MCMDC2: variants seen among roughly 807,000 people sequenced by gnomAD.
MCMDC2 encodes minichromosome maintenance domain containing 2.
A neutral mutation model predicts 75.8 loss-of-function variants in MCMDC2; 54 were observed. The observed-to-expected ratio is 0.71, with a 90% confidence interval of 0.57 to 0.89. The LOEUF (loss-of-function observed/expected upper bound fraction) is 0.89, where lower values mean the gene tolerates loss of function less well. Among genes scored for constraint, MCMDC2 ranks in the 40% least tolerant of loss-of-function variants. The pLI, the probability that MCMDC2 is intolerant of heterozygous loss-of-function variation, is 0.00. For synonymous variants in MCMDC2, 249 were observed against 274.6 expected, an observed-to-expected ratio of 0.91 and a Z score of 0.92; for missense variants, 656 against 780.4, an observed-to-expected ratio of 0.84 and a Z score of 1.90.
intron 12 of MCMDC2, 148 bp from the exon 13 acceptor site, chr8:66,901,058 G>A: frequency 1.6e-6 from 1 of 625,390 alleles, no homozygotes. Context: ...AAAGTGTTCA[G>A]TGACTTCAAG....
chr8:66,911,483 A>T (rs1419330534), intron 14 of MCMDC2, among the ~76,000 whole-genome samples: 2 of 152,184 alleles, frequency 1.3e-5, no homozygotes, highest in Non-Finnish European at 2.9e-5. Context: ...TAGCAGTATG[A>T]AAATGGACTA....
chr8:66,887,125 C>G (rs188728591), intron 9 of MCMDC2, among the ~76,000 whole-genome samples: 1 of 152,152 alleles, frequency 6.6e-6, no homozygotes, highest in African/African-American at 2.4e-5. Flanking sequence ...AATTTTTCTC[C>G]AGATATAAAG....
At chr8:66,871,401 A>G (rs55707908) in intron 1 of MCMDC2, 4 of 151,854 alleles carry the variant, frequency 2.6e-5, no homozygotes, top group African/African-American at 7.3e-5. Flanking sequence ...TTAAAACCCC[A>G]CTTAGCTTTC....
chr8:66,907,419 C>A (rs1405901096), intron 14 of MCMDC2, among the ~76,000 whole-genome samples: 1 of 152,184 alleles, frequency 6.6e-6, no homozygotes, highest in Non-Finnish European at 1.5e-5. Flanking sequence ...TTTTTTATGG[C>A]TGCATAGTAT....
chr8:66,919,152 T>G lies in MCMDC2; in HGVS notation c.2029T>G (p.Phe677Val), dbSNP rs575391103. The change falls in exon 15 of 15, where the codon TTC (phenylalanine) becomes GTC (valine). Residue 677 changes from phenylalanine (F) to valine (V), a missense_variant. Physicochemically the swap from Phe to Val is conservative, Grantham distance 50. Transcript: ENST00000422365. ...IATYGPGTTI[F>V]SSDE ...CACATATGGACCTGGGACAACTATTTTCTCTAGTGATGAATAAGCAATTTG... is the reference window on the plus strand; with the variant it reads ...CACATATGGACCTGGGACAACTATTGTCTCTAGTGATGAATAAGCAATTTG... The G allele has an allele frequency of 1.3e-6, 2 of 1,545,146 alleles. No individual in the cohort carries two copies. The highest frequency in any genetic ancestry group is 1.7e-6 in the Non-Finnish European group (2 of 1,145,082).
chr8:66,893,431 CA>C (rs1364011718), intron 10 of MCMDC2, among the ~76,000 whole-genome samples: 3 of 152,104 alleles, frequency 2.0e-5, no homozygotes, highest in Non-Finnish European at 2.9e-5. Flanking sequence ...GGACAATTTA[CA>C]AAAGAAAGAG....
At position 66,878,933 on chromosome 8, in the gene MCMDC2, G is replaced by T; in HGVS notation, c.709+14G>T. On this transcript the variant is annotated intron_variant, in intron 7 of 14. Transcript: ENST00000422365. ...TTTTCCTAAGAGGTAAGTGAATTCT[G>T]TTTGAACTAAAAAAAAATTGCTATA... 6.6e-7 allele frequency: 1 copy of T among 1,510,458 alleles called. No individual in the cohort carries two copies. The highest frequency in any genetic ancestry group is 2.3e-5 in the East Asian group (1 of 44,282). The allele number at this position is 1,510,458 out of a possible 1,614,324, so 93.6% of individuals were successfully genotyped here. A position where few individuals can be genotyped will look rare whatever the true frequency, so the allele number is the denominator to read the frequency against.
At chr8:66,887,436 C>T (rs1563374602) in intron 9 of MCMDC2, among the ~76,000 whole-genome samples, 1 of 151,566 alleles carries the variant, frequency 6.6e-6, no homozygotes, top group Non-Finnish European at 1.5e-5. Flanking sequence ...CCTGTAATCC[C>T]ATCTACTGGG....
chr8:66,873,918 A>T, intron 1 of MCMDC2, 135 bp from the exon 2 acceptor site: 1 of 383,166 alleles, frequency 2.6e-6, no homozygotes, highest in Non-Finnish European at 4.6e-6. Context: ...GGCAAAAGAA[A>T]ACAAAAGTTT....
intron 14 of MCMDC2, among the ~76,000 whole-genome samples, chr8:66,912,022 A>T (rs1232911885): frequency 6.6e-6 from 1 of 152,204 alleles, no homozygotes; most frequent in Non-Finnish European, 1.5e-5. Flanking sequence ...TCTTAAGTCC[A>T]TCACTGTCAT....
At chr8:66,871,520 G>A (rs1811017034) in intron 1 of MCMDC2, 1 of 152,062 alleles carries the variant, frequency 6.6e-6, no homozygotes, top group South Asian at 2.1e-4. Context: ...CCTGGATCAG[G>A]CCATCCAACT....
intron 1 of MCMDC2, among the ~76,000 whole-genome samples, chr8:66,872,224 G>A (rs1346690416): frequency 1.3e-5 from 2 of 152,232 alleles, no homozygotes; most frequent in Admixed American, 6.5e-5. Flanking sequence ...CGTAGTGGGT[G>A]TGTGGATCCA....
intron 13 of MCMDC2, among the ~76,000 whole-genome samples, chr8:66,902,012 T>C (rs1170885077): frequency 6.6e-6 from 1 of 150,636 alleles, no homozygotes; most frequent in East Asian, 2.0e-4. Context: ...CTGAGGCAGG[T>C]GGGTGGCTTG....
chr8:66,894,999 T>C (rs1045982660), intron 10 of MCMDC2, among the ~76,000 whole-genome samples: 3 of 152,232 alleles, frequency 2.0e-5, no homozygotes, highest in Non-Finnish European at 4.4e-5. Flanking sequence ...GCATAGGCAG[T>C]CTTCCCTCAG....
chr8:66,874,617 G>A (rs775353637), intron 4 of MCMDC2, 31 bp downstream of exon 4: 1 of 1,573,362 alleles, frequency 6.4e-7, no homozygotes, highest in Non-Finnish European at 8.7e-7. Flanking sequence ...AGCAAACTCA[G>A]GTACAGATTT....
chr8:66,904,738 C>T (rs1812839070), intron 13 of MCMDC2, among the ~76,000 whole-genome samples: 1 of 152,016 alleles, frequency 6.6e-6, no homozygotes, highest in African/African-American at 2.4e-5. Context: ...AGGAGAGGTC[C>T]AAAAGAGACT....
intron 14 of MCMDC2, among the ~76,000 whole-genome samples, chr8:66,911,235 T>C (rs968881146): frequency 6.6e-6 from 1 of 152,138 alleles, no homozygotes; most frequent in African/African-American, 2.4e-5. Context: ...AACTGAATCA[T>C]GGGGGTGATG....
intron 5 of MCMDC2, 67 bp from the exon 6 acceptor site, chr8:66,878,507 C>A: frequency 6.8e-7 from 1 of 1,470,014 alleles, no homozygotes; most frequent in Non-Finnish European, 9.1e-7. Context: ...AAAATGACAA[C>A]AACAAAAGAA....
At chr8:66,890,807 A>G in intron 9 of MCMDC2, 58 bp from the exon 10 acceptor site, 2 of 1,388,030 alleles carry the variant, frequency 1.4e-6, no homozygotes, top group Non-Finnish European at 2.0e-6. Context: ...TAAATTTAAT[A>G]CATTGTGACT....
Sources: allele counts gnomAD v4.1 joint callset (sites outside exome capture counted in the v4.1 genomes callset), GRCh38; gene constraint gnomAD v4.1.1; transcripts MANE v1.5; gene names NCBI Gene and HGNC (gene_info 2026-07-23, HGNC 2026-07-21).